The following ACTA2 variants were observed in gnomAD, a reference collection of about 807,000 sequenced individuals.
The protein encoded by ACTA2 is actin, aortic smooth muscle.
Under a neutral mutation model 39.5 loss-of-function variants are expected in ACTA2, and 12 were observed. That is an observed-to-expected ratio of 0.30 (90% confidence interval 0.19 to 0.49). The LOEUF (loss-of-function observed/expected upper bound fraction) is 0.49. Ranked by LOEUF, ACTA2 falls within the 20% of genes least tolerant of loss-of-function variation. The pLI is 0.99. For missense variants in ACTA2, 236 were observed against 498.8 expected (o/e 0.47, Z 5.02); for synonymous variants, 158 against 180.6 (o/e 0.88, Z 1.00).
At chr10:88,968,524 A>T (rs189222015) in intron 1 of ACTA2, among the ~76,000 whole-genome samples, 41 of 152,312 alleles carry the variant, frequency 2.7e-4, no homozygotes, top group African/African-American at 9.4e-4. Context: ...GGCACAGTGC[A>T]TTTTGCACAC....
At chr10:88,966,985 G>A (rs1033122823) in intron 1 of ACTA2, among the ~76,000 whole-genome samples, 1 of 152,176 alleles carries the variant, frequency 6.6e-6, no homozygotes. Flanking sequence ...CTCAAACAGC[G>A]CCAAGAGGGC....
At chr10:88,936,320 T>C (rs1439045412) in intron 8 of ACTA2, among the ~76,000 whole-genome samples, 1 of 152,216 alleles carries the variant, frequency 6.6e-6, no homozygotes, top group Non-Finnish European at 1.5e-5. Context: ...AAATAACCTT[T>C]TTATTTTGGA....
exon 1 of ACTA2, chr10:88,991,181 G>C (rs1220907492): frequency 1.7e-6 from 1 of 577,670 alleles, no homozygotes; most frequent in Non-Finnish European, 3.1e-6. Context: ...CAGCTCCGGC[G>C]CTCCTCGGAG....
rs190322192 is a variant in ACTA2, at chr10:88,948,226, C to T, written c.129+576G>A. Reference sequence around the variant, plus strand: ...GGCATAAACATCAATCAGATAGCCTCAATGCACAAACTACATTTCTGATGT... The same window carrying T: ...GGCATAAACATCAATCAGATAGCCTTAATGCACAAACTACATTTCTGATGT... On this transcript the variant is annotated intron_variant, in intron 2 of 8. Coordinates refer to ENST00000224784, the MANE Select transcript of ACTA2 (RefSeq NM_001613.4). 178 of 162,448 alleles carry T rather than the reference C, an allele frequency of 1.1e-3. 1 individual carries two copies. Among genetic ancestry groups the T allele is most frequent in the African/African-American group, 4.1e-3 (172 of 41,606 alleles). 10.1% of individuals were successfully genotyped at this position (162,448 alleles called of 1,614,324 possible).
At chr10:88,943,722 C>T (rs758115186) in intron 4 of ACTA2, 75 bp downstream of exon 4, 46 of 1,266,624 alleles carry the variant, frequency 3.6e-5, no homozygotes, top group Non-Finnish European at 5.8e-6. Context: ...CTTCTCTCTG[C>T]TGTGCTGCAT....
chr10:88,959,086 A>G (rs1486030434), intron 1 of ACTA2, among the ~76,000 whole-genome samples: 1 of 152,238 alleles, frequency 6.6e-6, no homozygotes, highest in African/African-American at 2.4e-5. Context: ...AATATTCAAC[A>G]TCAGTGCTGT....
chr10:88,966,120 G>A (rs1846314061), intron 1 of ACTA2, among the ~76,000 whole-genome samples: 1 of 152,158 alleles, frequency 6.6e-6, no homozygotes, highest in African/African-American at 2.4e-5. Flanking sequence ...TTTCTGGCAT[G>A]GGGCCTAGAG....
At chr10:88,955,732 A>G (rs556266599), upstream of ACTA2, among the ~76,000 whole-genome samples, 3 of 152,352 alleles carry the variant, frequency 2.0e-5, no homozygotes, top group African/African-American at 7.2e-5. Flanking sequence ...GGTATATTAA[A>G]TGTGAGAAAA....
intron 8 of ACTA2, 151 bp downstream of exon 8, chr10:88,937,910 A>C: frequency 1.2e-6 from 1 of 830,276 alleles, no homozygotes; most frequent in Admixed American, 2.3e-5. Context: ...ATTGACTTAC[A>C]TCCTGTAAAA....
intron 3 of ACTA2, among the ~76,000 whole-genome samples, chr10:88,946,567 A>AT (rs1394130174): frequency 2.7e-5 from 4 of 150,652 alleles, no homozygotes; most frequent in African/African-American, 4.9e-5. Flanking sequence ...AATTTCATTT[A>AT]TTTTTTGTAG....
chr10:88,970,208 C>G (rs1846401866), intron 1 of ACTA2, among the ~76,000 whole-genome samples: 1 of 152,140 alleles, frequency 6.6e-6, no homozygotes, highest in Non-Finnish European at 1.5e-5. Context: ...TACTCATAGG[C>G]AAAGTCACTA....
chr10:88,960,589 A>G (rs973725757), intron 1 of ACTA2, among the ~76,000 whole-genome samples: 14 of 152,160 alleles, frequency 9.2e-5, no homozygotes, highest in African/African-American at 3.4e-4. Flanking sequence ...AGAAGACAAA[A>G]TATCAGTGGT....
intron 1 of ACTA2, among the ~76,000 whole-genome samples, chr10:88,985,527 A>G (rs910867058): frequency 6.6e-6 from 1 of 151,888 alleles, no homozygotes; most frequent in Non-Finnish European, 1.5e-5. Flanking sequence ...ATCCCATTCC[A>G]CATTCTCTTT....
intron 7 of ACTA2, among the ~76,000 whole-genome samples, chr10:88,939,022 G>T (rs1300402586): frequency 6.6e-5 from 10 of 152,096 alleles, no homozygotes. Context: ...TAGTTGGGAG[G>T]TTAAGTGACT....
chr10:88,991,156 G>A, exon 1 of ACTA2: 1 of 595,018 alleles, frequency 1.7e-6, no homozygotes, highest in East Asian at 2.8e-5. Context: ...TGCTGACCCC[G>A]CTGGGCAGGC....
At chr10:88,978,738 G>A (rs1249425872) in intron 1 of ACTA2, among the ~76,000 whole-genome samples, 2 of 152,042 alleles carry the variant, frequency 1.3e-5, no homozygotes, top group Non-Finnish European at 1.5e-5. Context: ...CCCTGAGAGG[G>A]GGAGTTTATT....
In ACTA2 at chr10:88,945,430, G is replaced by C. The variant is rs117680601; in HGVS notation, c.259-1523C>G. On this transcript the variant is annotated intron_variant, in intron 3 of 8. Coordinates refer to ENST00000224784, the MANE Select transcript of ACTA2 (RefSeq NM_001613.4). ...ATAAATTGTGTGCGTAGTAGTAGTA[G>C]TGAGCCGATAGATAAATAAAAGGCC... 7.5e-3 allele frequency among the ~76,000 whole-genome samples: 1,144 copies of C among 152,308 alleles called. 16 individuals are homozygous for C. The highest frequency in any genetic ancestry group is 0.043 in the South Asian group (209 of 4,826).
intron 8 of ACTA2, among the ~76,000 whole-genome samples, chr10:88,937,293 CGT>C (rs1845760458): frequency 6.6e-6 from 1 of 152,198 alleles, no homozygotes; most frequent in Non-Finnish European, 1.5e-5. Context: ...TAAATACCCA[CGT>C]GTGTGAACTG....
At chr10:88,946,466 C>T (rs1339831524) in intron 3 of ACTA2, among the ~76,000 whole-genome samples, 1 of 151,788 alleles carries the variant, frequency 6.6e-6, no homozygotes, top group Non-Finnish European at 1.5e-5. Context: ...GATCTTGGCC[C>T]ACTGCAGCCT....
Sources: gnomAD v4.1 joint callset for allele counts (sites outside exome capture counted in the v4.1 genomes callset) on GRCh38, gnomAD v4.1.1 for gene constraint, MANE v1.5 for transcripts, NCBI Gene and HGNC (gene_info 2026-07-23, HGNC 2026-07-21) for gene names.